Variants in BLVRB observed in about 807,000 individuals in gnomAD.
BLVRB encodes the protein biliverdin reductase B.
BLVRB carries 25 observed loss-of-function variants against 21.1 expected under a neutral mutation model. The ratio of observed to expected loss-of-function variants is 1.19; its 90% CI spans 0.86 to 1.66. The LOEUF is 1.66. Ranked by LOEUF, BLVRB falls within the 40% of genes most tolerant of loss-of-function variation. The pLI is 0.00. For synonymous variants in BLVRB, 128 were observed against 122.2 expected (o/e 1.05, Z -0.31); for missense variants, 274 against 282.7 (o/e 0.97, Z 0.22).
At chr19:40,462,096 G>T (rs2079789995) in intron 1 of BLVRB, among the ~76,000 whole-genome samples, 1 of 152,126 alleles carries the variant, frequency 6.6e-6, no homozygotes, top group Non-Finnish European at 1.5e-5. Flanking sequence ...CCACTTACCA[G>T]CTGAGGAACC....
At chr19:40,463,467 G>A (rs1005802570) in intron 1 of BLVRB, among the ~76,000 whole-genome samples, 2 of 152,112 alleles carry the variant, frequency 1.3e-5, no homozygotes, top group Non-Finnish European at 2.9e-5. Context: ...CAGAGTTCAT[G>A]CCTGTTAAGA....
intron 3 of BLVRB, among the ~76,000 whole-genome samples, chr19:40,453,073 G>GA: frequency 6.6e-6 from 1 of 152,016 alleles, no homozygotes; most frequent in East Asian, 1.9e-4. Context: ...AAAAGAAAAA[G>GA]AAAAAAACAT....
At chr19:40,451,261 T>C in intron 4 of BLVRB, 103 bp downstream of exon 4, 1 of 1,496,626 alleles carries the variant, frequency 6.7e-7, no homozygotes, top group South Asian at 1.2e-5. Context: ...CATAGGAAGG[T>C]TTGCAATTTT....
At chr19:40,449,100 C>T (rs2079727723) in intron 4 of BLVRB, among the ~76,000 whole-genome samples, 1 of 151,804 alleles carries the variant, frequency 6.6e-6, no homozygotes, top group South Asian at 2.1e-4. Flanking sequence ...GGAACACACA[C>T]CTTCACCCAT....
At chr19:40,457,862 T>G in intron 3 of BLVRB, 8 of 405,902 alleles carry the variant, frequency 2.0e-5, no homozygotes, top group East Asian at 7.3e-5. Context: ...GTTTCTCCCA[T>G]TGTGGCCCTA....
At chr19:40,450,594 G>T (rs2079735162) in intron 4 of BLVRB, 1 of 150,966 alleles carries the variant, frequency 6.6e-6, no homozygotes, top group South Asian at 2.1e-4. Flanking sequence ...TATTACCCAG[G>T]CTGGAGTACA....
Position 40,465,745 on chromosome 19 carries a change from T to G in BLVRB, c.-57A>C. The G allele has an allele frequency of 6.4e-7, 1 of 1,570,220 alleles. No individual in the cohort carries two copies. The highest frequency in any genetic ancestry group is 8.7e-7 in the Non-Finnish European group (1 of 1,148,646). On this transcript the variant is annotated 5_prime_UTR_variant, in exon 1 of 5. Coordinates refer to ENST00000263368, the MANE Select transcript of BLVRB (RefSeq NM_000713.3). ...AGTCTCGGCACGCGCGGGAACCCAC[T>G]GGCTGCTGGGCGGTGCTCTCTGCCC...
At chr19:40,457,810 A>G in intron 3 of BLVRB, 1 of 308,342 alleles carries the variant, frequency 3.2e-6, no homozygotes, top group Non-Finnish European at 6.1e-6. Context: ...GACCTCTCTC[A>G]GCCTAAGTCG....
chr19:40,458,277 G>GGGCGGCGGC (rs751269661), intron 2 of BLVRB, 33 bp from the exon 3 acceptor site: 1 of 1,574,668 alleles, frequency 6.4e-7, no homozygotes, highest in African/African-American at 1.4e-5. Flanking sequence ...TGTCACTGGT[G>GGGCGGCGGC]GGCGGCGGCG....
chr19:40,465,569 C>A, intron 1 of BLVRB, 41 bp downstream of exon 1: 6 of 1,583,300 alleles, frequency 3.8e-6, no homozygotes, highest in Non-Finnish European at 4.3e-6. Context: ...AAAGTTCTGC[C>A]CGTCTGTCCC....
intron 4 of BLVRB, among the ~76,000 whole-genome samples, chr19:40,449,849 A>G (rs2079731008): frequency 6.6e-6 from 1 of 152,154 alleles, no homozygotes; most frequent in Admixed American, 6.6e-5. Context: ...AACCTAAACA[A>G]AGGGCTTATG....
intron 1 of BLVRB, among the ~76,000 whole-genome samples, chr19:40,458,755 G>A (rs926598457): frequency 6.6e-6 from 1 of 151,976 alleles, no homozygotes; most frequent in African/African-American, 2.4e-5. Context: ...GTGCAATGGT[G>A]CAGTCACAGC....
At chr19:40,457,899 G>A in intron 3 of BLVRB, 1 of 479,848 alleles carries the variant, frequency 2.1e-6, no homozygotes, top group Non-Finnish European at 3.7e-6. Flanking sequence ...CCCGATCCCA[G>A]CTCCGATGAT....
At chr19:40,461,487 A>G (rs899658751) in intron 1 of BLVRB, among the ~76,000 whole-genome samples, 1 of 140,740 alleles carries the variant, frequency 7.1e-6, no homozygotes, top group Non-Finnish European at 1.5e-5. Context: ...TGCCCTCTTC[A>G]CCCACAGCAC....
intron 3 of BLVRB, among the ~76,000 whole-genome samples, chr19:40,453,938 T>C (rs1358342657): frequency 1.3e-5 from 2 of 152,126 alleles, no homozygotes; most frequent in African/African-American, 4.8e-5. Flanking sequence ...TGAGCTGTGA[T>C]TGCACCGCTG....
chr19:40,453,363 G>A (rs147672798), intron 3 of BLVRB, among the ~76,000 whole-genome samples: 63 of 152,170 alleles, frequency 4.1e-4, no homozygotes, highest in African/African-American at 1.3e-3. Context: ...TTGGGGCCTT[G>A]TTTTCTCCCT....
chr19:40,449,052 T>C (rs2079727462), intron 4 of BLVRB, among the ~76,000 whole-genome samples: 1 of 151,024 alleles, frequency 6.6e-6, no homozygotes, highest in Non-Finnish European at 1.5e-5. Flanking sequence ...CGCTCCAGCC[T>C]GGGCTACAGA....
chr19:40,451,457 G>T lies in BLVRB; in HGVS notation c.370C>A (p.Arg124=). The T allele has an allele frequency of 6.2e-7, 1 of 1,613,212 alleles. No homozygotes were observed. The highest frequency in any genetic ancestry group is 8.5e-7 in the Non-Finnish European group (1 of 1,179,704). The part of the protein sequence containing the change: ...LLWDPTKVPP[R]LQAVTDDHIR... ...TGGTCATCAGTCACAGCCTGCAGTCGTGGGGGCACCTTGGTAGGGTCCCAG... is the reference window on the plus strand; with the variant it reads ...TGGTCATCAGTCACAGCCTGCAGTCTTGGGGGCACCTTGGTAGGGTCCCAG... The change falls in exon 4 of 5, where the codon CGA becomes AGA. Residue 124 remains arginine, a synonymous_variant. Coordinates refer to ENST00000263368, the MANE Select transcript of BLVRB (RefSeq NM_000713.3).
chr19:40,463,346 T>G (rs969842779), intron 1 of BLVRB, among the ~76,000 whole-genome samples: 1 of 152,216 alleles, frequency 6.6e-6, no homozygotes, highest in Admixed American at 6.5e-5. Context: ...GGGCAAGTAC[T>G]ACCAGTTTTG....
Sources: allele counts gnomAD v4.1 joint callset (sites outside exome capture counted in the v4.1 genomes callset), GRCh38; gene constraint gnomAD v4.1.1; transcripts MANE v1.5; gene names NCBI Gene and HGNC (gene_info 2026-07-23, HGNC 2026-07-21).